Variants in ICE1 observed in about 807,000 individuals in gnomAD.
ICE1 encodes interactor of little elongation complex ELL subunit 1.
ICE1 carries 64 observed loss-of-function variants against 192.7 expected under a neutral mutation model. That is an observed-to-expected ratio of 0.33 (90% confidence interval 0.27 to 0.41). ICE1 has a LOEUF of 0.41. ICE1 is among the 10% of genes least tolerant of loss of function. The pLI is 1.00. For synonymous variants in ICE1, 1,010 were observed against 984.5 expected, an observed-to-expected ratio of 1.03 and a Z score of -0.49; for missense variants, 2,708 against 2,696.0, an observed-to-expected ratio of 1.00 and a Z score of -0.10.
At chr5:5,475,856 C>A (rs1579576983) in intron 16 of ICE1, 117 bp from the exon 17 acceptor site, 1 of 689,968 alleles carries the variant, frequency 1.4e-6, no homozygotes, top group Non-Finnish European at 2.5e-6. Flanking sequence ...CTTGAACTTA[C>A]AATGTTAGAT....
intron 4 of ICE1, 35 bp downstream of exon 4, chr5:5,439,948 C>G: frequency 6.8e-7 from 1 of 1,460,746 alleles, no homozygotes; most frequent in East Asian, 2.5e-5. Context: ...ATGATACCAC[C>G]TATATGAGTA....
In ICE1 at chr5:5,464,619, G is replaced by C; in HGVS notation, c.5285G>C (p.Arg1762Thr). The change falls in exon 13 of 19, where the codon AGG becomes ACG. Residue 1762 changes from arginine to threonine, a missense_variant. Transcript: ENST00000296564. This position sits in a 1 kb window ranked among gnomAD's most constrained non-coding sequence, Gnocchi z 4.0. ...ACCATGTATCCAGAGTTATCTGCCA[G>C]GGCCCGGACCCTCAACATCCTCAAA... The part of the protein sequence containing the change: ...LDTMYPELSA[R>T]ARTLNILKGN... The C allele has an allele frequency of 1.2e-6, 2 of 1,612,544 alleles. No individual in the cohort carries two copies. Among genetic ancestry groups the C allele is most frequent in the Admixed American group, 3.3e-5 (2 of 59,740 alleles).
chr5:5,486,804 C>A lies in ICE1; in HGVS notation c.6604C>A (p.His2202Asn). Residue 2202 changes from histidine (H) to asparagine (N), a missense_variant, in exon 18 of 19, where the codon CAT becomes AAT. Coordinates refer to ENST00000296564, the MANE Select transcript of ICE1 (RefSeq NM_015325.3). The part of the protein sequence containing the change: ...ISSVIGMFIQ[H>N]AHDEDIPWGI... ...TTCGGTTATTGGTATGTTTATACAG[C>A]ATGCTCACGATGAAGGTAAAACTTA... The A allele has an allele frequency of 6.3e-7, 1 of 1,593,398 alleles. No homozygotes were observed. The highest frequency in any genetic ancestry group is 8.6e-7 in the Non-Finnish European group (1 of 1,168,256).
At chr5:5,482,957 C>G (rs1027116129) in intron 17 of ICE1, among the ~76,000 whole-genome samples, 10 of 152,176 alleles carry the variant, frequency 6.6e-5, no homozygotes, top group African/African-American at 2.4e-4. Context: ...AAGTCACACA[C>G]TAATCTTCAT....
chr5:5,486,515 A>G (rs1281899120), intron 17 of ICE1, among the ~76,000 whole-genome samples: 3 of 152,178 alleles, frequency 2.0e-5, no homozygotes, highest in Admixed American at 1.3e-4. Flanking sequence ...CATTGGCCCT[A>G]CTGAAACCAT....
chr5:5,463,491 C>A lies in ICE1; in HGVS notation c.4157C>A (p.Ser1386Tyr), dbSNP rs749752783. 1 of 1,613,122 alleles carries A rather than the reference C, an allele frequency of 6.2e-7. No individual in the cohort carries two copies. Among genetic ancestry groups the A allele is most frequent in the Non-Finnish European group, 8.5e-7 (1 of 1,179,460 alleles). ...ATGGAGCCATCCATAGAGCAAAGTT[C>A]TAACTGCGAGGCCGAAACAACATTT... ...SVMEPSIEQS[S>Y]NCEAETTFQC... Residue 1386 changes from serine (S) to tyrosine (Y), a missense_variant, in exon 13 of 19, where the codon TCT becomes TAT. Ser to Tyr is a moderately radical substitution (Grantham distance 144). This residue lies in a region of ICE1 where 2,366 missense variants were observed against 2,276.6 expected (regional missense o/e 1.04). Transcript: ENST00000296564.
chr5:5,487,528 CTG>C (rs1265416002), intron 18 of ICE1, among the ~76,000 whole-genome samples: 3 of 152,110 alleles, frequency 2.0e-5, no homozygotes, highest in African/African-American at 2.4e-5. Context: ...CAGTGGGAGA[CTG>C]TATATTTAGC....
chr5:5,459,769 C>T (rs77071124), intron 12 of ICE1, among the ~76,000 whole-genome samples: 7,603 of 152,152 alleles, frequency 0.05, 643 homozygotes, highest in East Asian at 0.35. Context: ...TGTCAGTGCA[C>T]GCCAAGTGGG....
chr5:5,434,714 T>G lies in ICE1; in HGVS notation c.85-1704T>G, dbSNP rs571493003. On this transcript the variant is annotated intron_variant, in intron 1 of 18. Transcript: ENST00000296564. ...TGCGTAGAGGAAAAATAGAAAAAAT[T>G]ATCACTGTGTGTGTTTTGATTTCAT... Among the ~76,000 whole-genome samples, 21 of 152,304 alleles carry G rather than the reference T, an allele frequency of 1.4e-4. No individual in the cohort carries two copies. In the South Asian group the frequency reaches 4.4e-3, roughly 32 times the overall value.
At chr5:5,441,593 C>T (rs1162287578) in intron 5 of ICE1, among the ~76,000 whole-genome samples, 1 of 152,172 alleles carries the variant, frequency 6.6e-6, no homozygotes, top group Non-Finnish European at 1.5e-5. Context: ...AATCGTTGTA[C>T]ATAAGAGAGA....
At chr5:5,478,220 C>A (rs985362337) in intron 17 of ICE1, among the ~76,000 whole-genome samples, 4 of 152,344 alleles carry the variant, frequency 2.6e-5, no homozygotes, top group East Asian at 1.9e-4. Context: ...CCCATCGTCT[C>A]AGCCCAAACA....
chr5:5,480,810 A>G (rs1739482876), intron 17 of ICE1, among the ~76,000 whole-genome samples: 1 of 152,236 alleles, frequency 6.6e-6, no homozygotes, highest in African/African-American at 2.4e-5. Context: ...AACCAATAAT[A>G]CACTTGGAGA....
In ICE1 at chr5:5,461,849, A is replaced by G; in HGVS notation, c.2515A>G (p.Arg839Gly). The change falls in exon 13 of 19, where the codon AGA (arginine) becomes GGA (glycine). Residue 839 changes from arginine (R) to glycine (G), a missense_variant. This residue lies in a region of ICE1 where 2,366 missense variants were observed against 2,276.6 expected (regional missense o/e 1.04). Coordinates refer to ENST00000296564, the MANE Select transcript of ICE1 (RefSeq NM_015325.3). Reference sequence around the variant, plus strand: ...ACCAACACCCAAGCCTGATCTTCTTAGAGAAAATAACAATCCTGTAGAATT... The same window carrying G: ...ACCAACACCCAAGCCTGATCTTCTTGGAGAAAATAACAATCCTGTAGAATT... ...RGPTPKPDLLRENNNPVEFKT... is the reference protein window; with the variant it reads ...RGPTPKPDLLGENNNPVEFKT... 8 of 1,614,010 alleles carry G rather than the reference A, an allele frequency of 5.0e-6. No homozygotes were observed. Among genetic ancestry groups the G allele is most frequent in the Non-Finnish European group, 6.8e-6 (8 of 1,179,886 alleles).
intron 18 of ICE1, 141 bp from the exon 19 acceptor site, chr5:5,489,008 A>T: frequency 1.4e-6 from 1 of 722,446 alleles, no homozygotes; most frequent in Non-Finnish European, 2.2e-6. Flanking sequence ...GAATTTTTTT[A>T]CTGTGGGTTT....
chr5:5,441,233 A>T lies in ICE1; in HGVS notation c.309+10A>T, dbSNP rs1288310134. The stretch of plus-strand genomic sequence containing the variant: ...GCTAGAAGAGAAAAAGGTATGAACA[A>T]TAATTTTCTGTAAAGATTTACGGTC... On this transcript the variant is annotated intron_variant, in intron 5 of 18. Coordinates refer to ENST00000296564, the MANE Select transcript of ICE1 (RefSeq NM_015325.3). 6.8e-7 allele frequency: 1 copy of T among 1,470,036 alleles called. No individual in the cohort carries two copies. The highest frequency in any genetic ancestry group is 1.2e-5 in the South Asian group (1 of 82,224). 91.1% of individuals were successfully genotyped at this position (1,470,036 alleles called of 1,614,324 possible).
chr5:5,476,365 G>A (rs936007242), intron 17 of ICE1, among the ~76,000 whole-genome samples: 6 of 152,056 alleles, frequency 3.9e-5, no homozygotes, highest in Non-Finnish European at 8.8e-5. Context: ...GGATATATAA[G>A]TCGCTATAAA....
intron 10 of ICE1, among the ~76,000 whole-genome samples, chr5:5,450,119 A>G (rs114421437): frequency 4.0e-4 from 61 of 152,362 alleles, no homozygotes; most frequent in African/African-American, 1.4e-3. Flanking sequence ...GAGAAAAGCA[A>G]CAGACGCAAG....
intron 3 of ICE1, among the ~76,000 whole-genome samples, chr5:5,439,569 G>A (rs1177292201): frequency 2.0e-5 from 3 of 152,096 alleles, no homozygotes; most frequent in Non-Finnish European, 2.9e-5. Flanking sequence ...TGGGGATTCC[G>A]CTATGTAGAG....
intron 18 of ICE1, 109 bp from the exon 19 acceptor site, chr5:5,489,040 C>A: frequency 2.3e-6 from 2 of 884,054 alleles, no homozygotes; most frequent in Non-Finnish European, 3.4e-6. Context: ...ATTTTCATTG[C>A]TGGCAGAAAG....
Sources: allele counts gnomAD v4.1 joint callset (sites outside exome capture counted in the v4.1 genomes callset), GRCh38; gene constraint gnomAD v4.1.1; regional missense constraint gnomAD v4.1.1; non-coding constraint Gnocchi (gnomAD v3.1); transcripts MANE v1.5; gene names NCBI Gene and HGNC (gene_info 2026-07-23, HGNC 2026-07-21).